Variants in ADAM22 observed in about 807,000 individuals in gnomAD.
ADAM22 encodes the protein disintegrin and metalloproteinase domain-containing protein 22.
A neutral mutation model predicts 144.6 loss-of-function variants in ADAM22; 65 were observed. The observed-to-expected ratio is 0.45, with a 90% CI of 0.37 to 0.55. ADAM22 has a LOEUF of 0.55. Among genes scored for constraint, ADAM22 ranks in the 20% least tolerant of loss-of-function variants. The pLI, the probability that ADAM22 is intolerant of heterozygous loss-of-function variation, is 0.00. For synonymous variants in ADAM22, 391 were observed against 412.6 expected (o/e 0.95, Z 0.63); for missense variants, 974 against 1,184.9 (o/e 0.82, Z 2.61).
intron 25 of ADAM22, chr7:88,168,459 A>T (rs977406752): frequency 5.7e-5 from 31 of 546,744 alleles, no homozygotes; most frequent in African/African-American, 4.5e-4. Context: ...AGTATTATTT[A>T]AAAATCCTTG....
intron 3 of ADAM22, among the ~76,000 whole-genome samples, chr7:88,013,298 A>AT (rs1795857894): frequency 6.6e-6 from 1 of 152,164 alleles, no homozygotes; most frequent in Admixed American, 6.6e-5. Context: ...AAAGTCATTG[A>AT]TTTTTAGTTT....
chr7:87,988,774 A>G (rs764572853), intron 3 of ADAM22, among the ~76,000 whole-genome samples: 9 of 152,188 alleles, frequency 5.9e-5, no homozygotes, highest in Non-Finnish European at 1.2e-4. Context: ...TAGCAATGAT[A>G]GAAGTAGCGA....
At chr7:87,956,503 T>C (rs528631779) in intron 2 of ADAM22, among the ~76,000 whole-genome samples, 2 of 152,228 alleles carry the variant, frequency 1.3e-5, no homozygotes. Flanking sequence ...GGTATACGAT[T>C]GAGTTTTTGG....
intron 4 of ADAM22, among the ~76,000 whole-genome samples, chr7:88,078,030 C>T (rs373059492): frequency 2.2e-4 from 34 of 152,360 alleles, no homozygotes; most frequent in African/African-American, 2.6e-4. Flanking sequence ...GATCTGAGAA[C>T]GGGCAGAATG....
At chr7:88,038,912 C>G (rs1233972292) in intron 3 of ADAM22, among the ~76,000 whole-genome samples, 2 of 151,848 alleles carry the variant, frequency 1.3e-5, no homozygotes, top group East Asian at 3.9e-4. Context: ...TCTCGAGTAG[C>G]TGGGACTATA....
At chr7:88,090,787 C>T (rs1217344861) in intron 4 of ADAM22, among the ~76,000 whole-genome samples, 3 of 152,002 alleles carry the variant, frequency 2.0e-5, no homozygotes, top group Non-Finnish European at 2.9e-5. Flanking sequence ...TTATGGGAAA[C>T]AATATTAAGA....
chr7:88,101,850 T>C (rs1464941758), intron 4 of ADAM22, among the ~76,000 whole-genome samples: 1 of 152,224 alleles, frequency 6.6e-6, no homozygotes, highest in Admixed American at 6.6e-5. Flanking sequence ...TAAAATCACC[T>C]GAAGGTTTGG....
chr7:88,170,967 G>A (rs997824591), intron 25 of ADAM22, among the ~76,000 whole-genome samples: 1 of 151,860 alleles, frequency 6.6e-6, no homozygotes, highest in Non-Finnish European at 1.5e-5. Context: ...TATTTCCAAT[G>A]TGAAGCTTCA....
chr7:87,939,372 C>CT (rs935639976), intron 2 of ADAM22, among the ~76,000 whole-genome samples: 11 of 152,274 alleles, frequency 7.2e-5, no homozygotes, highest in African/African-American at 2.6e-4. Context: ...TGCTGTGGCA[C>CT]TTTCATGACT....
At chr7:87,995,612 CCA>C (rs1249699799) in intron 3 of ADAM22, among the ~76,000 whole-genome samples, 2 of 152,092 alleles carry the variant, frequency 1.3e-5, no homozygotes, top group African/African-American at 4.8e-5. Context: ...AGGTTCTCAC[CCA>C]GACCTGCTGA....
rs1012917628 is a variant in ADAM22, at chr7:88,197,498, A to C, written c.*1007A>C. The stretch of plus-strand genomic sequence containing the variant: ...CCATCCCATCTCATCCCAGTGAGCC[A>C]GCCCCTCAGCAGTGTGTGCTGCTGA... On this transcript the variant is annotated 3_prime_UTR_variant, in exon 32 of 32. Coordinates refer to ENST00000413139, the MANE Select transcript of ADAM22 (RefSeq NM_001324418.2). 1 of 152,192 alleles carries C rather than the reference A, an allele frequency of 6.6e-6. No individual in the cohort carries two copies. The highest frequency in any genetic ancestry group is 2.4e-5 in the African/African-American group (1 of 41,448). The allele number at this position is 152,192 out of a possible 1,614,324, so 9.4% of individuals were successfully genotyped here.
chr7:88,012,468 T>C (rs1203098204), intron 3 of ADAM22, among the ~76,000 whole-genome samples: 1 of 152,160 alleles, frequency 6.6e-6, no homozygotes, highest in Non-Finnish European at 1.5e-5. Context: ...TCTTGAAATG[T>C]TTGGTTTGAT....
At chr7:88,103,975 A>G (rs1320364469) in intron 4 of ADAM22, among the ~76,000 whole-genome samples, 1 of 152,178 alleles carries the variant, frequency 6.6e-6, no homozygotes, top group Admixed American at 6.5e-5. Context: ...AGTTATTAAA[A>G]TTTAAAATAC....
At chr7:88,163,206 T>C (rs771559101) in intron 23 of ADAM22, 26 bp downstream of exon 23, 7 of 1,539,754 alleles carry the variant, frequency 4.5e-6, no homozygotes, top group Non-Finnish European at 6.1e-6. Context: ...CTTGTCAGAA[T>C]CTATTTCTTT....
chr7:88,167,464 C>A (rs1357715384), intron 24 of ADAM22, among the ~76,000 whole-genome samples: 1 of 152,150 alleles, frequency 6.6e-6, no homozygotes, highest in Non-Finnish European at 1.5e-5. Context: ...GCCCTGGATT[C>A]TGCCTGCCTG....
chr7:88,129,671 A>G (rs1041823202), intron 9 of ADAM22, among the ~76,000 whole-genome samples: 2 of 152,110 alleles, frequency 1.3e-5, no homozygotes, highest in Non-Finnish European at 2.9e-5. Context: ...CAGTAGACAT[A>G]TAACGTAAGT....
chr7:88,181,657 C>A, intron 28 of ADAM22, 52 bp downstream of exon 28: 2 of 1,455,398 alleles, frequency 1.4e-6, no homozygotes, highest in Non-Finnish European at 1.9e-6. Flanking sequence ...GTTCTATATT[C>A]TGTGGCCCCT....
At chr7:88,181,838 C>G in intron 28 of ADAM22, 120 bp from the exon 29 acceptor site, 1 of 950,198 alleles carries the variant, frequency 1.1e-6, no homozygotes, top group East Asian at 2.4e-5. Flanking sequence ...TACAGTGTGA[C>G]AAACCCGGTG....
intron 2 of ADAM22, among the ~76,000 whole-genome samples, chr7:87,977,651 A>C (rs1852212418): frequency 6.6e-6 from 1 of 152,192 alleles, no homozygotes; most frequent in South Asian, 2.1e-4. Flanking sequence ...TGCAAATATT[A>C]GTGCTATGGG....
Sources: allele counts gnomAD v4.1 joint callset (sites outside exome capture counted in the v4.1 genomes callset), GRCh38; gene constraint gnomAD v4.1.1; transcripts MANE v1.5; gene names NCBI Gene and HGNC (gene_info 2026-07-23, HGNC 2026-07-21).